The following MDFIC2 variants were observed in gnomAD, a reference collection of about 807,000 sequenced individuals.
MDFIC2 encodes the protein MyoD family inhibitor domain containing 2.
intron 2 of MDFIC2, among the ~76,000 whole-genome samples, chr3:70,264,566 G>C (rs1406131330): frequency 6.6e-6 from 1 of 152,204 alleles, no homozygotes; most frequent in Non-Finnish European, 1.5e-5. Flanking sequence ...TGAGTTGGGT[G>C]AGTCAAACAG....
intron 2 of MDFIC2, among the ~76,000 whole-genome samples, chr3:70,213,295 G>C (rs1483216696): frequency 6.6e-6 from 1 of 152,072 alleles, no homozygotes; most frequent in Non-Finnish European, 1.5e-5. Context: ...TGTGGAAACA[G>C]GTAGCTTGTT....
At chr3:70,304,148 T>C (rs1343405372) in intron 2 of MDFIC2, among the ~76,000 whole-genome samples, 1 of 152,200 alleles carries the variant, frequency 6.6e-6, no homozygotes, top group Non-Finnish European at 1.5e-5. Context: ...TCTACACTCA[T>C]GGAATCCCAG....
At position 70,284,432 on chromosome 3, in the gene MDFIC2, T is replaced by C. The variant is rs531733197; in HGVS notation, c.88+27454A>G. Among the ~76,000 whole-genome samples the C allele has an allele frequency of 2.0e-5, 3 of 152,234 alleles. No individual in the cohort carries two copies. In the East Asian group the frequency reaches 5.8e-4, roughly 29 times the overall value. The stretch of plus-strand genomic sequence containing the variant: ...AAAGCAAAAACAAAAAGAGAACCTC[T>C]CACTTTGAAGAATGACAAGAGATTG... On this transcript the variant is annotated intron_variant, in intron 2 of 3. Coordinates refer to ENST00000567252, the MANE Select transcript of MDFIC2 (RefSeq NM_001364677.1).
chr3:70,308,707 T>A (rs151084482), intron 2 of MDFIC2, among the ~76,000 whole-genome samples: 3 of 152,292 alleles, frequency 2.0e-5, no homozygotes, highest in Non-Finnish European at 4.4e-5. Context: ...TTACACCTTG[T>A]CTCTAGTCTC....
chr3:70,232,517 A>T (rs1701570335), intron 2 of MDFIC2, among the ~76,000 whole-genome samples: 2 of 151,558 alleles, frequency 1.3e-5, no homozygotes. Flanking sequence ...CTCCTGCCTC[A>T]GTCTCCTGAG....
intron 2 of MDFIC2, among the ~76,000 whole-genome samples, chr3:70,268,153 C>T (rs562085746): frequency 1.7e-4 from 25 of 151,386 alleles, no homozygotes; most frequent in Non-Finnish European, 3.4e-4. Flanking sequence ...CTCCTGCCCC[C>T]ACACATGCAC....
At chr3:70,280,830 C>G (rs771174458) in intron 2 of MDFIC2, among the ~76,000 whole-genome samples, 1 of 152,078 alleles carries the variant, frequency 6.6e-6, no homozygotes, top group Admixed American at 6.6e-5. Flanking sequence ...ATCCCAGAGA[C>G]GGTACTGCCC....
intron 2 of MDFIC2, among the ~76,000 whole-genome samples, chr3:70,252,843 G>A: frequency 6.6e-6 from 1 of 152,134 alleles, no homozygotes; most frequent in East Asian, 1.9e-4. Flanking sequence ...ACTTTGGGAG[G>A]CTGAGGCAGG....
At chr3:70,248,854 A>T (rs1480674986) in intron 2 of MDFIC2, among the ~76,000 whole-genome samples, 1 of 152,132 alleles carries the variant, frequency 6.6e-6, no homozygotes, top group Non-Finnish European at 1.5e-5. Context: ...ACATGACTCA[A>T]TTGAAAGGAA....
At chr3:70,207,318 C>T (rs2106725078) in intron 2 of MDFIC2, among the ~76,000 whole-genome samples, 1 of 152,168 alleles carries the variant, frequency 6.6e-6, no homozygotes, top group South Asian at 2.1e-4. Context: ...GTCCTCATAA[C>T]CTCACAGTGG....
At chr3:70,230,489 C>T (rs558351913) in intron 2 of MDFIC2, among the ~76,000 whole-genome samples, 12 of 80,036 alleles carry the variant, frequency 1.5e-4, no homozygotes, top group African/African-American at 2.4e-4. Context: ...TAGACAAATT[C>T]GAGATGAATC....
intron 2 of MDFIC2, among the ~76,000 whole-genome samples, chr3:70,282,216 C>G (rs1294450698): frequency 6.6e-6 from 1 of 152,124 alleles, no homozygotes; most frequent in Non-Finnish European, 1.5e-5. Context: ...GCAGTATTTG[C>G]TGTCTCAGGG....
chr3:70,272,782 G>A (rs961145005), intron 2 of MDFIC2, among the ~76,000 whole-genome samples: 2 of 152,050 alleles, frequency 1.3e-5, no homozygotes, highest in Admixed American at 6.5e-5. Flanking sequence ...TTCCTCCATT[G>A]GAAAGCATAA....
chr3:70,252,899 G>A (rs752008315), intron 2 of MDFIC2, among the ~76,000 whole-genome samples: 3 of 151,886 alleles, frequency 2.0e-5, no homozygotes, highest in Non-Finnish European at 2.9e-5. Context: ...GGCCAACATC[G>A]TGAAACCCCC....
chr3:70,244,798 G>A (rs947647618), intron 2 of MDFIC2, among the ~76,000 whole-genome samples: 10 of 152,214 alleles, frequency 6.6e-5, no homozygotes, highest in East Asian at 5.8e-4. Flanking sequence ...ATACACATAC[G>A]TCTCTATGTA....
chr3:70,221,348 C>T (rs11712898), intron 2 of MDFIC2, among the ~76,000 whole-genome samples: 56,795 of 151,990 alleles, frequency 0.37, 12,751 homozygotes, highest in Non-Finnish European at 0.5. Context: ...AGTTATTATA[C>T]GTTCAATTTT....
At chr3:70,308,051 A>G (rs867808020) in intron 2 of MDFIC2, among the ~76,000 whole-genome samples, 1 of 151,904 alleles carries the variant, frequency 6.6e-6, no homozygotes, top group Non-Finnish European at 1.5e-5. Flanking sequence ...TGCCTGGTGC[A>G]TATATTTTAT....
Position 70,196,902 on chromosome 3 carries a change from C to A in MDFIC2, c.*24G>T, listed in dbSNP as rs1701186930. 5.0e-6 allele frequency: 2 copies of A among 398,364 alleles called. No homozygotes were observed. Among genetic ancestry groups the A allele is most frequent in the Admixed American group, 4.4e-5 (1 of 22,708 alleles). 24.7% of individuals were successfully genotyped at this position (398,364 alleles called of 1,614,324 possible). Reference sequence around the variant, plus strand: ...TTTCCCACCGTGGCCAAAAGGACTGCCGGAATGTGGTTACTTCACTGTGCT... The same window carrying A: ...TTTCCCACCGTGGCCAAAAGGACTGACGGAATGTGGTTACTTCACTGTGCT... On this transcript the variant is annotated 3_prime_UTR_variant, in exon 4 of 4. Transcript: ENST00000567252.
intron 2 of MDFIC2, among the ~76,000 whole-genome samples, chr3:70,210,076 C>T (rs1216329840): frequency 1.3e-5 from 2 of 151,938 alleles, no homozygotes; most frequent in Non-Finnish European, 2.9e-5. Context: ...TGCTTTTGCA[C>T]AAAGTAATTC....
Sources: allele counts gnomAD v4.1 joint callset (sites outside exome capture counted in the v4.1 genomes callset), GRCh38; gene constraint gnomAD v4.1.1; transcripts MANE v1.5; gene names NCBI Gene and HGNC (gene_info 2026-07-23, HGNC 2026-07-21).